The following DPYSL5 variants were observed in gnomAD, a reference collection of about 807,000 sequenced individuals.
DPYSL5 encodes dihydropyrimidinase-related protein 5.
Under a neutral mutation model 58.4 loss-of-function variants are expected in DPYSL5, and 9 were observed. That is an observed-to-expected ratio of 0.15 (90% CI 0.09 to 0.27). The LOEUF (loss-of-function observed/expected upper bound fraction) is 0.27, where lower values mean the gene tolerates loss of function less well. DPYSL5 is among the 10% of genes least tolerant of loss of function. The probability of loss-of-function intolerance (pLI) is 1.00; values close to 1 mark genes in which losing one functional copy is unlikely to be tolerated. For missense variants in DPYSL5, 499 were observed against 770.6 expected (o/e 0.65, Z 4.17); for synonymous variants, 293 against 301.9 (o/e 0.97, Z 0.31).
chr2:26,901,932 G>A (rs895422707), intron 2 of DPYSL5, among the ~76,000 whole-genome samples: 4 of 151,888 alleles, frequency 2.6e-5, no homozygotes, highest in East Asian at 1.9e-4. Flanking sequence ...TTTAGCCCAC[G>A]CCTCGCTGGC....
Position 26,849,245 on chromosome 2 carries a change from C to G in DPYSL5, c.-5+991C>G, listed in dbSNP as rs1448088672. 6.7e-6 allele frequency among the ~76,000 whole-genome samples: 1 copy of G among 150,284 alleles called. No individual in the cohort carries two copies. The highest frequency in any genetic ancestry group is 2.1e-4 in the South Asian group (1 of 4,730). On this transcript the variant is annotated intron_variant, in intron 1 of 12. Transcript: ENST00000288699. The surrounding 1 kb of genome is among the most constrained non-coding windows in gnomAD (Gnocchi z 6.2). The stretch of plus-strand genomic sequence containing the variant: ...ATGGGGAGGGGAGGAGGGATGCAGG[C>G]GGGTGGAGGCCGCCTGGGTTTGAGG...
In DPYSL5 at chr2:26,907,302, C is replaced by T. The variant is rs144035289; in HGVS notation, c.261+8542C>T. Among the ~76,000 whole-genome samples the T allele has an allele frequency of 6.7e-3, 1,016 of 151,954 alleles. 12 individuals are homozygous for T. Among genetic ancestry groups the T allele is most frequent in the South Asian group, 0.013 (61 of 4,812 alleles). ...GCTAATTTTGTATTTTTAGTAGAGA[C>T]GGAGTTTCTCCATGTTGGTCAGGCT... On this transcript the variant is annotated intron_variant, in intron 2 of 12. Coordinates refer to ENST00000288699, the MANE Select transcript of DPYSL5 (RefSeq NM_020134.4).
chr2:26,911,760 C>G (rs375595688), intron 2 of DPYSL5, among the ~76,000 whole-genome samples: 1 of 152,134 alleles, frequency 6.6e-6, no homozygotes, highest in East Asian at 1.9e-4. Context: ...CCATTCTTTA[C>G]AGAATCCTTT....
chr2:26,858,494 C>T (rs1665934171), intron 1 of DPYSL5, among the ~76,000 whole-genome samples: 1 of 151,914 alleles, frequency 6.6e-6, no homozygotes, highest in Admixed American at 6.6e-5. Context: ...TCTTTAAAAC[C>T]TCGACTTACT....
At chr2:26,852,834 T>C (rs1483649500) in intron 1 of DPYSL5, among the ~76,000 whole-genome samples, 1 of 152,210 alleles carries the variant, frequency 6.6e-6, no homozygotes, top group Non-Finnish European at 1.5e-5. Context: ...GAGGCTTACA[T>C]GTGTTAATGG....
rs746187290 is a variant in DPYSL5, at chr2:26,858,573, AT to A, written c.-5+10333del. 2.9e-3 allele frequency among the ~76,000 whole-genome samples: 385 copies of A among 134,552 alleles called. 1 individual carries two copies. The highest frequency in any genetic ancestry group is 7.4e-3 in the Admixed American group (99 of 13,304). The allele number at this position is 134,552 out of a possible 152,430, so 88.3% of individuals were successfully genotyped here. On this transcript the variant is annotated intron_variant, in intron 1 of 12. Coordinates refer to ENST00000288699, the MANE Select transcript of DPYSL5 (RefSeq NM_020134.4). ...CATATCTTTTATAATATAGGATTTA[AT>A]TTTTTTTTTTTTTGGAGACAAGGTC...
At chr2:26,903,830 G>A (rs1031714646) in intron 2 of DPYSL5, among the ~76,000 whole-genome samples, 6 of 152,156 alleles carry the variant, frequency 3.9e-5, no homozygotes, top group Non-Finnish European at 7.3e-5. Flanking sequence ...TCCCTAACCC[G>A]GTGTCCTGAC....
At chr2:26,856,885 T>A (rs1415405294) in intron 1 of DPYSL5, among the ~76,000 whole-genome samples, 1 of 147,928 alleles carries the variant, frequency 6.8e-6, no homozygotes, top group Non-Finnish European at 1.5e-5. Context: ...GTTAAAAAAA[T>A]TATATATATT....
At chr2:26,876,391 G>A (rs776000130) in intron 1 of DPYSL5, among the ~76,000 whole-genome samples, 4 of 152,316 alleles carry the variant, frequency 2.6e-5, no homozygotes, top group East Asian at 3.9e-4. Context: ...ACTGGAGGAC[G>A]AACCTGGTGG....
At chr2:26,867,282 A>G (rs2148114342) in intron 1 of DPYSL5, among the ~76,000 whole-genome samples, 1 of 152,326 alleles carries the variant, frequency 6.6e-6, no homozygotes, top group South Asian at 2.1e-4. Flanking sequence ...TTGGTAAAAT[A>G]CATCATCTCT....
intron 2 of DPYSL5, among the ~76,000 whole-genome samples, chr2:26,918,586 A>G (rs1664633251): frequency 6.6e-6 from 1 of 152,250 alleles, no homozygotes; most frequent in Non-Finnish European, 1.5e-5. Context: ...GATCCATCCG[A>G]ACAAATGATA....
rs985396793 is a variant in DPYSL5, at chr2:26,905,520, C to G, written c.261+6760C>G. ...TTGGCCAGCAGGCACCCTGGCAGGC[C>G]TTCTCTGGGAATCGGCCCTCACCTC... On this transcript the variant is annotated intron_variant, in intron 2 of 12. Transcript: ENST00000288699. This position sits in a 1 kb window ranked among gnomAD's most constrained non-coding sequence, Gnocchi z 4.0. 6.6e-6 allele frequency among the ~76,000 whole-genome samples: 1 copy of G among 152,190 alleles called. No homozygotes were observed. The highest frequency in any genetic ancestry group is 2.1e-4 in the South Asian group (1 of 4,824).
At chr2:26,940,197 G>A (rs746424534) in intron 9 of DPYSL5, 25 bp downstream of exon 9, 86 of 1,611,198 alleles carry the variant, frequency 5.3e-5, no homozygotes, top group East Asian at 3.1e-4. Flanking sequence ...GCCCCGCCCC[G>A]ATCTGATCCC....
chr2:26,874,896 G>T (rs1663370636), intron 1 of DPYSL5, among the ~76,000 whole-genome samples: 1 of 152,198 alleles, frequency 6.6e-6, no homozygotes, highest in Admixed American at 6.5e-5. Flanking sequence ...GATTGAGGGT[G>T]TGTTGAATCT....
At chr2:26,913,249 A>G (rs569856666) in intron 2 of DPYSL5, among the ~76,000 whole-genome samples, 1 of 152,238 alleles carries the variant, frequency 6.6e-6, no homozygotes, top group Admixed American at 6.5e-5. Context: ...AGAAGTTCCC[A>G]TTAAACAGTG....
Position 26,916,044 on chromosome 2 carries a change from C to T in DPYSL5, c.262-8843C>T, listed in dbSNP as rs902400687. ...TTGAATGTCTCTTAATCAGCTCTAT[C>T]TCCATGTGTCTAAAAATTCCCTTCC... On this transcript the variant is annotated intron_variant, in intron 2 of 12. Coordinates refer to ENST00000288699, the MANE Select transcript of DPYSL5 (RefSeq NM_020134.4). Among the ~76,000 whole-genome samples the T allele has an allele frequency of 2.6e-5, 4 of 152,224 alleles. No homozygotes were observed. In the East Asian group the frequency reaches 5.8e-4, roughly 22 times the overall value.
Position 26,898,709 on chromosome 2 carries a change from C to T in DPYSL5, c.210C>T (p.His70=), listed in dbSNP as rs765776800. Residue 70 remains histidine, a synonymous_variant, in exon 2 of 13, where the codon CAC becomes CAT. Transcript: ENST00000288699. This position sits in a 1 kb window ranked among gnomAD's most constrained non-coding sequence, Gnocchi z 6.1. ...PGGIDTSTHF[H]QTFMNATCVD... is the part of the protein sequence containing the mutation. ...GCATCGACACCAGCACCCACTTCCACCAGACCTTCATGAATGCCACGTGCG... is the reference window on the plus strand; with the variant it reads ...GCATCGACACCAGCACCCACTTCCATCAGACCTTCATGAATGCCACGTGCG... 2 of 1,613,932 alleles carry T rather than the reference C, an allele frequency of 1.2e-6. No homozygotes were observed. Among genetic ancestry groups the T allele is most frequent in the East Asian group, 4.5e-5 (2 of 44,868 alleles).
At chr2:26,937,019 A>G (rs542301132) in intron 8 of DPYSL5, among the ~76,000 whole-genome samples, 41 of 151,768 alleles carry the variant, frequency 2.7e-4, no homozygotes, top group African/African-American at 9.9e-4. Flanking sequence ...TAAAAGAAAC[A>G]ATTACCAAGA....
chr2:26,923,812 C>G (rs1012638729), intron 2 of DPYSL5, among the ~76,000 whole-genome samples: 1 of 152,126 alleles, frequency 6.6e-6, no homozygotes, highest in African/African-American at 2.4e-5. Context: ...AGGCACCCAC[C>G]ATCACACCCA....
Sources: allele counts gnomAD v4.1 joint callset (sites outside exome capture counted in the v4.1 genomes callset), GRCh38; gene constraint gnomAD v4.1.1; non-coding constraint Gnocchi (gnomAD v3.1); transcripts MANE v1.5; gene names NCBI Gene and HGNC (gene_info 2026-07-23, HGNC 2026-07-21).